Variants in NCOA2 observed in about 807,000 individuals in gnomAD.
NCOA2 encodes the protein nuclear receptor coactivator 2.
A neutral mutation model predicts 145.1 loss-of-function variants in NCOA2; 21 were observed. The observed-to-expected ratio is 0.14, with a 90% confidence interval of 0.10 to 0.21. The LOEUF (loss-of-function observed/expected upper bound fraction) is 0.21, where lower values mean the gene tolerates loss of function less well. Among genes scored for constraint, NCOA2 ranks in the 10% least tolerant of loss-of-function variants. The pLI is 1.00. For missense variants in NCOA2, 1,472 were observed against 1,837.6 expected (o/e 0.80, Z 3.64); for synonymous variants, 619 against 637.5 (o/e 0.97, Z 0.44).
chr8:70,175,519 A>T (rs1444300248), intron 4 of NCOA2, among the ~76,000 whole-genome samples: 1 of 152,246 alleles, frequency 6.6e-6, no homozygotes, highest in Non-Finnish European at 1.5e-5. Flanking sequence ...GCGCTCCTGG[A>T]TGGAAACGTG....
chr8:70,216,244 A>T (rs1266865670), intron 3 of NCOA2, among the ~76,000 whole-genome samples: 3 of 152,222 alleles, frequency 2.0e-5, no homozygotes, highest in Non-Finnish European at 4.4e-5. Context: ...TGTTTTATTC[A>T]CTAAAGAGCC....
chr8:70,243,082 G>A (rs1822287357), intron 2 of NCOA2, among the ~76,000 whole-genome samples: 1 of 151,034 alleles, frequency 6.6e-6, no homozygotes, highest in Non-Finnish European at 1.5e-5. Flanking sequence ...AATACTGTTT[G>A]TTTAGATAAC....
intron 1 of NCOA2, among the ~76,000 whole-genome samples, chr8:70,399,885 T>G (rs1814066754): frequency 6.6e-6 from 1 of 152,254 alleles, no homozygotes; most frequent in South Asian, 2.1e-4. Context: ...AGCTGTCAAC[T>G]TATGGGTCAC....
At chr8:70,454,629 C>T in the NCOA2 span, among the ~76,000 whole-genome samples, 2 of 152,106 alleles carry the variant, frequency 1.3e-5, no homozygotes, top group African/African-American at 4.8e-5. Flanking sequence ...AAACCAATCC[C>T]AAACAAAACC....
chr8:70,194,116 CTA>C (rs1473869804), intron 4 of NCOA2, among the ~76,000 whole-genome samples: 1 of 152,134 alleles, frequency 6.6e-6, no homozygotes, highest in Admixed American at 6.5e-5. Context: ...TTCTATGTGA[CTA>C]TGTTGAATTG....
intron 6 of NCOA2, 125 bp from the exon 7 acceptor site, chr8:70,166,879 T>C: frequency 1.2e-6 from 1 of 859,070 alleles, no homozygotes; most frequent in South Asian, 1.9e-5. Context: ...TTTATACTTG[T>C]CTAAATACTT....
At chr8:70,162,393 C>A (rs1813128041) in intron 9 of NCOA2, among the ~76,000 whole-genome samples, 2 of 152,218 alleles carry the variant, frequency 1.3e-5, no homozygotes, top group Admixed American at 1.3e-4. Context: ...CAGATTCTAA[C>A]TGAATCGTTA....
intron 2 of NCOA2, among the ~76,000 whole-genome samples, chr8:70,265,311 TC>T (rs1226062432): frequency 6.6e-6 from 1 of 152,202 alleles, no homozygotes; most frequent in Non-Finnish European, 1.5e-5. Flanking sequence ...AAGAGAGCTC[TC>T]ACTGGGATCC....
the NCOA2 span, among the ~76,000 whole-genome samples, chr8:70,410,610 C>T: frequency 6.6e-6 from 1 of 152,142 alleles, no homozygotes; most frequent in East Asian, 1.9e-4. Flanking sequence ...GCTTGGAACA[C>T]AAGCATGGCC....
intron 1 of NCOA2, among the ~76,000 whole-genome samples, chr8:70,309,368 TAAA>T (rs1298852392): frequency 7.5e-6 from 1 of 134,128 alleles, no homozygotes; most frequent in Non-Finnish European, 1.6e-5. Context: ...AATAAGGACT[TAAA>T]AAAAAAAAAA....
At chr8:70,304,666 G>GC (rs1827753346) in intron 1 of NCOA2, among the ~76,000 whole-genome samples, 1 of 145,418 alleles carries the variant, frequency 6.9e-6, no homozygotes, top group South Asian at 2.2e-4. Context: ...TTGTTTTTTT[G>GC]TTTTTTTTTT....
At chr8:70,185,884 G>A (rs956519948) in intron 4 of NCOA2, among the ~76,000 whole-genome samples, 11 of 152,102 alleles carry the variant, frequency 7.2e-5, no homozygotes, top group African/African-American at 2.7e-4. Flanking sequence ...TACAGGCAGA[G>A]TTTACCATTT....
At chr8:70,228,232 G>C (rs1820839371) in intron 2 of NCOA2, among the ~76,000 whole-genome samples, 1 of 152,162 alleles carries the variant, frequency 6.6e-6, no homozygotes, top group Non-Finnish European at 1.5e-5. Flanking sequence ...GTAAGATCAC[G>C]ATTTATATTT....
intron 1 of NCOA2, among the ~76,000 whole-genome samples, chr8:70,308,047 T>C (rs1404284494): frequency 6.6e-6 from 1 of 152,272 alleles, no homozygotes; most frequent in East Asian, 1.9e-4. Context: ...CATGTACATG[T>C]TTTGTTTACC....
At chr8:70,188,439 T>C (rs544066567) in intron 4 of NCOA2, among the ~76,000 whole-genome samples, 10 of 152,172 alleles carry the variant, frequency 6.6e-5, no homozygotes, top group Non-Finnish European at 1.3e-4. Flanking sequence ...AAGCAATAAA[T>C]AATCACTTGC....
chr8:70,361,800 G>T (rs2131031138), intron 1 of NCOA2, among the ~76,000 whole-genome samples: 1 of 152,216 alleles, frequency 6.6e-6, no homozygotes, highest in South Asian at 2.1e-4. Flanking sequence ...TATCTAAATG[G>T]GCTAAATATT....
intron 1 of NCOA2, among the ~76,000 whole-genome samples, chr8:70,357,982 C>T (rs551633584): frequency 3.3e-5 from 5 of 151,922 alleles, no homozygotes; most frequent in South Asian, 4.2e-4. Context: ...ACCTGGGAGG[C>T]GGAGGATGCA....
upstream of NCOA2, among the ~76,000 whole-genome samples, chr8:70,407,703 A>G (rs1586705133): frequency 6.6e-6 from 1 of 152,024 alleles, no homozygotes; most frequent in East Asian, 1.9e-4. Context: ...AGGCTGAGGC[A>G]GGAGAATTGT....
At position 70,179,063 on chromosome 8, in the gene NCOA2, C is replaced by T. The variant is rs118098204; in HGVS notation, c.260-4204G>A. The stretch of plus-strand genomic sequence containing the variant: ...AAGTGTTGCAATATTTACACAAATG[C>T]TATTTATATATATTAAGAGAATGAG... On this transcript the variant is annotated intron_variant, in intron 4 of 22. Coordinates refer to ENST00000452400, the MANE Select transcript of NCOA2 (RefSeq NM_006540.4). Among the ~76,000 whole-genome samples the T allele has an allele frequency of 9.4e-3, 1,427 of 152,038 alleles. 9 individuals are homozygous for T. The highest frequency in any genetic ancestry group is 0.014 in the Non-Finnish European group (935 of 67,996).
Sources: allele counts gnomAD v4.1 joint callset (sites outside exome capture counted in the v4.1 genomes callset), GRCh38; gene constraint gnomAD v4.1.1; transcripts MANE v1.5; gene names NCBI Gene and HGNC (gene_info 2026-07-23, HGNC 2026-07-21).